LIMA1: variants seen among roughly 807,000 people sequenced by gnomAD.
LIMA1 encodes the protein LIM domain and actin-binding protein 1.
In LIMA1, 52 loss-of-function variants were observed where a neutral mutation model predicts 62.6. That is an observed-to-expected ratio of 0.83 (90% CI 0.67 to 1.05). The LOEUF is 1.05. LIMA1 is among the 50% of genes least tolerant of loss of function. The probability of loss-of-function intolerance (pLI) is 0.00; values close to 1 mark genes in which losing one functional copy is unlikely to be tolerated. For synonymous variants in LIMA1, 302 were observed against 317.8 expected, an observed-to-expected ratio of 0.95 and a Z score of 0.53; for missense variants, 780 against 902.2, an observed-to-expected ratio of 0.86 and a Z score of 1.74.
rs530362322 is a variant in LIMA1, at chr12:50,193,488, A to C, written c.1031-927T>G. Among the ~76,000 whole-genome samples the C allele has an allele frequency of 7.1e-4, 99 of 139,954 alleles. 2 individuals are homozygous for C. The South Asian group carries it at 0.021, about 30-fold the overall frequency. 91.8% of individuals were successfully genotyped at this position (139,954 alleles called of 152,430 possible). A position where few individuals can be genotyped will look rare whatever the true frequency, so the allele number is the denominator to read the frequency against. ...TACAAGAAATTTATATATATATAGTATATATATATCATATATGTGTATATA... is the reference window on the plus strand; with the variant it reads ...TACAAGAAATTTATATATATATAGTCTATATATATCATATATGTGTATATA... On this transcript the variant is annotated intron_variant, in intron 8 of 10. Transcript: ENST00000341247.
chr12:50,201,485 G>A, intron 6 of LIMA1: 1 of 982,514 alleles, frequency 1.0e-6, no homozygotes, highest in Non-Finnish European at 1.2e-6. Context: ...TCTCAAAACA[G>A]AGCCTCAACA....
At chr12:50,210,418 C>CAAAAAAA (rs769288381) in intron 4 of LIMA1, among the ~76,000 whole-genome samples, 915 of 90,654 alleles carry the variant, frequency 0.01, 9 homozygotes, top group African/African-American at 0.034. Flanking sequence ...ACCCCATTTC[C>CAAAAAAA]AAAAAAAAAA....
At chr12:50,274,021 A>C (rs1270606567) in intron 1 of LIMA1, among the ~76,000 whole-genome samples, 2 of 152,182 alleles carry the variant, frequency 1.3e-5, no homozygotes, top group Admixed American at 6.5e-5. Context: ...TTGCACTCAG[A>C]TGGAACTTAA....
intron 4 of LIMA1, among the ~76,000 whole-genome samples, chr12:50,213,620 GATGAGTTAGA>G (rs1384771667): frequency 1.3e-5 from 2 of 152,218 alleles, no homozygotes; most frequent in East Asian, 3.8e-4. Context: ...GTAACTCACT[GATGAGTTAGA>G]ATGAGTTAGA....
intron 7 of LIMA1, among the ~76,000 whole-genome samples, chr12:50,197,957 A>C (rs932670296): frequency 2.6e-4 from 39 of 152,194 alleles, no homozygotes; most frequent in African/African-American, 7.2e-4. Context: ...CTCATGGGCT[A>C]ATGCCTGAGT....
chr12:50,271,280 AAAC>A (rs1942208751), intron 1 of LIMA1, among the ~76,000 whole-genome samples: 1 of 152,218 alleles, frequency 6.6e-6, no homozygotes, highest in African/African-American at 2.4e-5. Context: ...TGAAAAACAA[AAAC>A]AACTGACTTT....
Position 50,222,363 on chromosome 12 carries a change from C to A in LIMA1, c.288G>T (p.Glu96Asp), listed in dbSNP as rs772543227. 1.1e-5 allele frequency: 18 copies of A among 1,614,028 alleles called. No individual in the cohort carries two copies. The highest frequency in any genetic ancestry group is 5.5e-5 in the South Asian group (5 of 91,086). The change falls in exon 4 of 11, where the codon GAG becomes GAT. Residue 96 changes from glutamate (E) to aspartate (D), a missense_variant. Transcript: ENST00000341247. Reference protein sequence around the residue: ...HTDSLRNSSTEIRHRADHPPA... With the variant: ...HTDSLRNSSTDIRHRADHPPA... ...GAGGATGGTCTGCTCTGTGCCTAAT[C>A]TCAGTGCTGCTGTTCCGTAGAGAGT...
intron 9 of LIMA1, chr12:50,185,744 A>G (rs957814799): frequency 2.7e-5 from 8 of 299,120 alleles, no homozygotes; most frequent in East Asian, 8.4e-5. Context: ...CCTGACCCAC[A>G]TCGGCTCTCT....
In LIMA1 at chr12:50,275,772, C is replaced by T. The variant is rs1001607336; in HGVS notation, c.-24+7648G>A. ...AGGAAACAGAGAATTATTGTAGGGT[C>T]ACAGTGCCAGGTGGGTGGGTCGTGT... On this transcript the variant is annotated intron_variant, in intron 1 of 10. Transcript: ENST00000341247. Among the ~76,000 whole-genome samples the T allele has an allele frequency of 3.9e-4, 59 of 152,204 alleles. 1 individual carries two copies. The highest frequency in any genetic ancestry group is 7.4e-5 in the Non-Finnish European group (5 of 68,026).
chr12:50,215,776 T>C (rs923980363), intron 4 of LIMA1, among the ~76,000 whole-genome samples: 1 of 152,256 alleles, frequency 6.6e-6, no homozygotes, highest in Middle Eastern at 3.4e-3. Context: ...CCCGGCCTGC[T>C]TTATTTTTAT....
intron 3 of LIMA1, among the ~76,000 whole-genome samples, chr12:50,226,023 C>A (rs1262541709): frequency 6.6e-6 from 1 of 151,980 alleles, no homozygotes; most frequent in African/African-American, 2.4e-5. Context: ...ACTGTTACTT[C>A]TTTGTTATCT....
chr12:50,274,457 G>C (rs1299061937), intron 1 of LIMA1, among the ~76,000 whole-genome samples: 1 of 152,066 alleles, frequency 6.6e-6, no homozygotes, highest in Non-Finnish European at 1.5e-5. Context: ...GGTGGCAGGT[G>C]CCTGGAGTCC....
intron 1 of LIMA1, among the ~76,000 whole-genome samples, chr12:50,258,639 CTT>C (rs34324226): frequency 7.0e-3 from 474 of 67,356 alleles, no homozygotes; most frequent in African/African-American, 0.031. Context: ...TCTACCTATA[CTT>C]TTTTTTTTTT....
chr12:50,217,829 A>G, intron 4 of LIMA1: 1 of 265,446 alleles, frequency 3.8e-6, no homozygotes, highest in Admixed American at 4.2e-5. Context: ...ACAGGCATCT[A>G]GGACGCTCAC....
rs139678259 is a variant in LIMA1 at position 50,222,381 on chromosome 12, T to C, written c.270A>G (p.Leu90=). Residue 90 remains leucine, a synonymous_variant, in exon 4 of 11, where the codon CTA becomes CTG. Transcript: ENST00000341247. ...GCCTAATCTCAGTGCTGCTGTTCCG[T>C]AGAGAGTCTGTGTGAGACTCTGCTC... ...GLGAESHTDS[L]RNSSTEIRHR... is the part of the protein sequence containing the mutation. 1.2e-4 allele frequency: 191 copies of C among 1,614,034 alleles called. No homozygotes were observed. Among genetic ancestry groups the C allele is most frequent in the Non-Finnish European group, 1.5e-4 (175 of 1,180,030 alleles).
chr12:50,195,301 G>T (rs1940904533), intron 8 of LIMA1, among the ~76,000 whole-genome samples: 1 of 152,138 alleles, frequency 6.6e-6, no homozygotes, highest in South Asian at 2.1e-4. Context: ...TGGGAAAAGG[G>T]AGGCTCAAAA....
intron 4 of LIMA1, among the ~76,000 whole-genome samples, chr12:50,209,134 A>C (rs960610154): frequency 2.6e-5 from 4 of 151,418 alleles, no homozygotes; most frequent in Non-Finnish European, 5.9e-5. Flanking sequence ...GATTGGGTCT[A>C]TTTTTAATAA....
chr12:50,263,851 T>TAAAGTATATATATAG, intron 1 of LIMA1, among the ~76,000 whole-genome samples: 1 of 127,886 alleles, frequency 7.8e-6, no homozygotes, highest in Non-Finnish European at 1.6e-5. Context: ...TATATATATA[T>TAAAGTATATATATAG]AGAGAGTATA....
intron 1 of LIMA1, among the ~76,000 whole-genome samples, chr12:50,274,373 C>T (rs913386702): frequency 6.6e-6 from 1 of 152,092 alleles, no homozygotes; most frequent in Non-Finnish European, 1.5e-5. Context: ...ATAATGAGGT[C>T]GAGAGATGCA....
Sources: allele counts gnomAD v4.1 joint callset (sites outside exome capture counted in the v4.1 genomes callset), GRCh38; gene constraint gnomAD v4.1.1; transcripts MANE v1.5; gene names NCBI Gene and HGNC (gene_info 2026-07-23, HGNC 2026-07-21).